DMXL1: variants seen among roughly 807,000 people sequenced by gnomAD.
DMXL1 encodes Dmx like 1.
Under a neutral mutation model 319.2 loss-of-function variants are expected in DMXL1, and 99 were observed. The ratio of observed to expected loss-of-function variants is 0.31; its 90% confidence interval spans 0.26 to 0.37. The LOEUF (loss-of-function observed/expected upper bound fraction) is 0.37, where lower values mean the gene tolerates loss of function less well. Ranked by LOEUF, DMXL1 falls within the 10% of genes least tolerant of loss-of-function variation. The pLI, the probability that DMXL1 is intolerant of heterozygous loss-of-function variation, is 1.00. For synonymous variants in DMXL1, 1,385 were observed against 1,235.2 expected (o/e 1.12, Z -2.54); for missense variants, 3,745 against 3,595.6 (o/e 1.04, Z -1.06).
At chr5:119,155,651 C>G (rs1770853882) in intron 19 of DMXL1, among the ~76,000 whole-genome samples, 1 of 151,736 alleles carries the variant, frequency 6.6e-6, no homozygotes. Flanking sequence ...TCAGCCTGGG[C>G]AACATAGACG....
intron 34 of DMXL1, 66 bp downstream of exon 34, chr5:119,206,962 T>C: frequency 1.7e-5 from 17 of 978,618 alleles, no homozygotes; most frequent in Non-Finnish European, 2.6e-5. Flanking sequence ...AGCATTTGCA[T>C]TTTACTTTTA....
chr5:119,071,121 G>T lies in DMXL1; in HGVS notation c.-449G>T, dbSNP rs1749424694. 5.3e-6 allele frequency: 1 copy of T among 188,060 alleles called. No individual in the cohort carries two copies. The highest frequency in any genetic ancestry group is 6.3e-5 in the Admixed American group (1 of 15,756). The allele number at this position is 188,060 out of a possible 1,614,324, so 11.6% of individuals were successfully genotyped here. A position where few individuals can be genotyped will look rare whatever the true frequency, so the allele number is the denominator to read the frequency against. The stretch of plus-strand genomic sequence containing the variant: ...TAGTGAGTGGCGGAGGACTGTGGGG[G>T]TGGCGGGCACCGGAGCCGGGAAGGG... On this transcript the variant is annotated 5_prime_UTR_variant, in exon 1 of 44. Transcript: ENST00000539542.
At chr5:119,114,390 A>C (rs988734924) in intron 5 of DMXL1, 85 bp from the exon 6 acceptor site, 1 of 943,054 alleles carries the variant, frequency 1.1e-6, no homozygotes, top group East Asian at 2.6e-5. Context: ...CTTTTGAACC[A>C]ATTGCTGATT....
At chr5:119,072,375 C>G (rs766191053) in intron 1 of DMXL1, among the ~76,000 whole-genome samples, 1 of 151,642 alleles carries the variant, frequency 6.6e-6, no homozygotes, top group Non-Finnish European at 1.5e-5. Flanking sequence ...TTTTTAATAA[C>G]AATTTCAAAA....
Position 119,150,287 on chromosome 5 carries a change from A to C in DMXL1, c.4460A>C (p.Gln1487Pro). 1 of 1,613,842 alleles carries C rather than the reference A, an allele frequency of 6.2e-7. No individual in the cohort carries two copies. Among genetic ancestry groups the C allele is most frequent in the Middle Eastern group, 1.7e-4 (1 of 6,060 alleles). The change falls in exon 18 of 44, where the codon CAG (glutamine) becomes CCG (proline). Residue 1487 changes from glutamine to proline, a missense_variant. This residue lies in a region of DMXL1 where 2,096 missense variants were observed against 1,985.4 expected (regional missense o/e 1.06). Coordinates refer to ENST00000539542, the MANE Select transcript of DMXL1 (RefSeq NM_001290321.3). ...SPTYFGPEHA[Q>P]VLSGHLLHSS... ...ACTTACTTTGGACCTGAGCATGCTCAGGTTCTTTCTGGCCACTTACTTCAT... is the reference window on the plus strand; with the variant it reads ...ACTTACTTTGGACCTGAGCATGCTCCGGTTCTTTCTGGCCACTTACTTCAT...
intron 38 of DMXL1, among the ~76,000 whole-genome samples, chr5:119,231,441 G>A (rs1786705013): frequency 6.6e-6 from 1 of 152,070 alleles, no homozygotes; most frequent in Non-Finnish European, 1.5e-5. Context: ...AATGCTTAAA[G>A]GATAAAAGTT....
At chr5:119,077,927 G>A (rs1345860537) in intron 1 of DMXL1, among the ~76,000 whole-genome samples, 1 of 149,896 alleles carries the variant, frequency 6.7e-6, no homozygotes, top group Non-Finnish European at 1.5e-5. Flanking sequence ...TACAGATAGG[G>A]TCTCTCCATG....
intron 9 of DMXL1, among the ~76,000 whole-genome samples, chr5:119,122,307 G>T (rs1300489181): frequency 6.9e-6 from 1 of 144,384 alleles, no homozygotes. Context: ...CTGGCCGGGC[G>T]GGGGGCTGAC....
intron 19 of DMXL1, among the ~76,000 whole-genome samples, chr5:119,152,988 C>CT (rs993564286): frequency 6.1e-5 from 8 of 131,402 alleles, no homozygotes; most frequent in Non-Finnish European, 1.3e-4. Flanking sequence ...TTTTTTTTTT[C>CT]TTTTTTGAGA....
intron 21 of DMXL1, among the ~76,000 whole-genome samples, chr5:119,165,629 G>T (rs554346873): frequency 1.6e-4 from 25 of 152,304 alleles, no homozygotes; most frequent in African/African-American, 5.5e-4. Context: ...AAAGAAAGAG[G>T]TTTATTGGAC....
intron 2 of DMXL1, among the ~76,000 whole-genome samples, chr5:119,099,054 T>TA (rs2149786897): frequency 1.3e-5 from 2 of 152,326 alleles, no homozygotes; most frequent in South Asian, 4.1e-4. Flanking sequence ...TTCTTTTTGT[T>TA]ACATGGTATT....
chr5:119,170,551 T>A lies in DMXL1; in HGVS notation c.5760T>A (p.Ser1920=). 1 of 1,613,922 alleles carries A rather than the reference T, an allele frequency of 6.2e-7. No individual in the cohort carries two copies. The highest frequency in any genetic ancestry group is 8.5e-7 in the Non-Finnish European group (1 of 1,179,900). The change falls in exon 24 of 44, where the codon TCT becomes TCA. Residue 1920 remains serine (S), a synonymous_variant. Transcript: ENST00000539542. ...LKLDAREDKS[S]AVDWSQSLIN... ...TGGATGCAAGGGAAGATAAGTCTTC[T>A]GCTGTTGATTGGTCACAGTCACTGA...
intron 40 of DMXL1, 35 bp downstream of exon 40, chr5:119,237,449 G>T: frequency 1.5e-6 from 2 of 1,338,444 alleles, no homozygotes; most frequent in South Asian, 2.5e-5. Flanking sequence ...AATAAAATTT[G>T]AATTTTCATT....
At chr5:119,122,958 G>A (rs1007838838) in intron 9 of DMXL1, among the ~76,000 whole-genome samples, 3 of 152,190 alleles carry the variant, frequency 2.0e-5, no homozygotes, top group Admixed American at 6.5e-5. Flanking sequence ...CAGGCAGCTG[G>A]GAGGTGGAGG....
intron 33 of DMXL1, among the ~76,000 whole-genome samples, chr5:119,205,889 T>G (rs1781655030): frequency 6.6e-6 from 1 of 152,116 alleles, no homozygotes; most frequent in South Asian, 2.1e-4. Context: ...TTAGTCAAAG[T>G]CACTGTGATT....
chr5:119,212,595 T>A (rs2150526090), intron 34 of DMXL1, among the ~76,000 whole-genome samples: 1 of 152,320 alleles, frequency 6.6e-6, no homozygotes, highest in African/African-American at 2.4e-5. Context: ...ATAGCAATTC[T>A]GTGTTTAGTT....
At chr5:119,098,342 T>C (rs758592874) in intron 2 of DMXL1, among the ~76,000 whole-genome samples, 8 of 152,280 alleles carry the variant, frequency 5.3e-5, no homozygotes, top group Middle Eastern at 3.4e-3. Flanking sequence ...CTTACTGATA[T>C]AGAATGAGTC....
At chr5:119,195,123 T>G (rs1779388371) in intron 30 of DMXL1, among the ~76,000 whole-genome samples, 1 of 151,950 alleles carries the variant, frequency 6.6e-6, no homozygotes, top group Admixed American at 6.6e-5. Context: ...GAGGAGAAAT[T>G]GGAATCTTTG....
chr5:119,221,886 T>C (rs1156811847), intron 37 of DMXL1, among the ~76,000 whole-genome samples: 2 of 152,014 alleles, frequency 1.3e-5, no homozygotes, highest in South Asian at 2.1e-4. Context: ...TGGAGGATCT[T>C]TTTTAGCCCT....
Sources: allele counts gnomAD v4.1 joint callset (sites outside exome capture counted in the v4.1 genomes callset), GRCh38; gene constraint gnomAD v4.1.1; regional missense constraint gnomAD v4.1.1; transcripts MANE v1.5; gene names NCBI Gene and HGNC (gene_info 2026-07-23, HGNC 2026-07-21).